WWOX: variants seen among roughly 807,000 people sequenced by gnomAD.
The protein encoded by WWOX is WW domain containing oxidoreductase, also known as WW domain-containing oxidoreductase.
In WWOX, 69 loss-of-function variants were observed where a neutral mutation model predicts 46.2. That is an observed-to-expected ratio of 1.49 (90% CI 1.23 to 1.82). The LOEUF is 1.82. WWOX is among the 40% of genes most tolerant of loss of function. WWOX has a pLI of 0.00. For missense variants in WWOX, 919 were observed against 542.6 expected (o/e 1.69, Z -6.89); for synonymous variants, 359 against 202.6 (o/e 1.77, Z -6.56).
chr16:78,384,400 CTG>C (rs568474711), intron 5 of WWOX, among the ~76,000 whole-genome samples: 40 of 152,252 alleles, frequency 2.6e-4, no homozygotes, highest in African/African-American at 9.6e-4. Flanking sequence ...ATCAGCGTCT[CTG>C]TGGGGTATTG....
intron 5 of WWOX, among the ~76,000 whole-genome samples, chr16:78,187,251 G>A (rs541872633): frequency 3.3e-5 from 5 of 152,244 alleles, no homozygotes; most frequent in Non-Finnish European, 7.4e-5. Flanking sequence ...ACACATGGCC[G>A]AGTTATGCCA....
In WWOX at chr16:78,579,602, A is replaced by C. The variant is rs548159429; in HGVS notation, c.1056+146850A>C. Among the ~76,000 whole-genome samples, 3 of 152,220 alleles carry C rather than the reference A, an allele frequency of 2.0e-5. No individual in the cohort carries two copies. The South Asian group carries it at 6.2e-4, about 32-fold the overall frequency. On this transcript the variant is annotated intron_variant, in intron 8 of 8. Transcript: ENST00000566780. ...TTCTAATTAAGAAACAGAAGCCAGG[A>C]AACTCCTGTACTTCAAGGTTTTGGA...
At chr16:78,106,031 G>T (rs1484145101) in intron 1 of WWOX, among the ~76,000 whole-genome samples, 2 of 152,090 alleles carry the variant, frequency 1.3e-5, no homozygotes, top group Admixed American at 6.5e-5. Context: ...CGATCTCCTG[G>T]GCTCTAGCGA....
chr16:78,490,497 A>G (rs1428886820), intron 8 of WWOX, among the ~76,000 whole-genome samples: 1 of 152,124 alleles, frequency 6.6e-6, no homozygotes, highest in Non-Finnish European at 1.5e-5. Flanking sequence ...CGGTTTTCAC[A>G]AGGAGGTCAC....
intron 8 of WWOX, among the ~76,000 whole-genome samples, chr16:78,585,175 C>T (rs757990977): frequency 1.8e-4 from 27 of 152,186 alleles, no homozygotes; most frequent in Non-Finnish European, 2.4e-4. Flanking sequence ...TGACCACCCC[C>T]GGGCTATTTC....
At chr16:78,183,577 C>T (rs894143267) in intron 5 of WWOX, among the ~76,000 whole-genome samples, 4 of 152,142 alleles carry the variant, frequency 2.6e-5, no homozygotes, top group Admixed American at 1.3e-4. Flanking sequence ...ATTGCATCCC[C>T]GAACCGTAGG....
chr16:78,224,170 A>AT (rs1597371568), intron 5 of WWOX, among the ~76,000 whole-genome samples: 3 of 151,932 alleles, frequency 2.0e-5, no homozygotes, highest in Admixed American at 6.6e-5. Context: ...AGCCCAGCTA[A>AT]TTTTTTGTAA....
At chr16:78,122,675 G>C (rs1597230791) in intron 4 of WWOX, among the ~76,000 whole-genome samples, 1 of 151,262 alleles carries the variant, frequency 6.6e-6, no homozygotes, top group East Asian at 1.9e-4. Flanking sequence ...CGTGATCTCA[G>C]CTCACTGCAA....
At chr16:79,019,449 A>G (rs984713950) in intron 8 of WWOX, among the ~76,000 whole-genome samples, 1 of 152,126 alleles carries the variant, frequency 6.6e-6, no homozygotes, top group Admixed American at 6.6e-5. Context: ...ATATCTCAAC[A>G]TATCTAAACA....
At chr16:78,783,673 T>C (rs1016055450) in intron 8 of WWOX, among the ~76,000 whole-genome samples, 3 of 152,176 alleles carry the variant, frequency 2.0e-5, no homozygotes, top group African/African-American at 7.2e-5. Context: ...AAATGTCTTC[T>C]GAATAAAAGT....
rs574264882 is a variant in WWOX at position 79,112,879 on chromosome 16, A to T, written c.1057-98729A>T. 3.9e-5 allele frequency among the ~76,000 whole-genome samples: 6 copies of T among 152,322 alleles called. No individual in the cohort carries two copies. In the South Asian group the frequency reaches 1.2e-3, roughly 32 times the overall value. ...GTGAGCCAAGTGAGACCCAAACTCA[A>T]GTCTTGGACAGTCTAGCCTCTGTGC... On this transcript the variant is annotated intron_variant, in intron 8 of 8. Coordinates refer to ENST00000566780, the MANE Select transcript of WWOX (RefSeq NM_016373.4).
intron 8 of WWOX, among the ~76,000 whole-genome samples, chr16:79,044,507 G>A (rs2048030896): frequency 6.6e-6 from 1 of 152,150 alleles, no homozygotes; most frequent in Non-Finnish European, 1.5e-5. Flanking sequence ...TCTTGCTCCT[G>A]CCCTGGCCAC....
chr16:79,209,776 C>A (rs565098990), intron 8 of WWOX, among the ~76,000 whole-genome samples: 33 of 152,304 alleles, frequency 2.2e-4, no homozygotes, highest in Middle Eastern at 6.8e-3. Flanking sequence ...TCCCTTTTCC[C>A]CACATGGGAT....
chr16:78,536,525 T>A (rs186621046), intron 8 of WWOX, among the ~76,000 whole-genome samples: 55 of 152,240 alleles, frequency 3.6e-4, no homozygotes, highest in Admixed American at 2.6e-3. Context: ...TGATTGTTTT[T>A]CTCTTGGTGC....
intron 8 of WWOX, among the ~76,000 whole-genome samples, chr16:78,509,817 A>G (rs2085313363): frequency 6.6e-6 from 1 of 152,014 alleles, no homozygotes; most frequent in Non-Finnish European, 1.5e-5. Context: ...AAATTGAGGA[A>G]GCCGTGTGGC....
At chr16:78,692,613 C>T (rs774331442) in intron 8 of WWOX, among the ~76,000 whole-genome samples, 1 of 152,196 alleles carries the variant, frequency 6.6e-6, no homozygotes, top group Non-Finnish European at 1.5e-5. Context: ...ATCTCTCACC[C>T]CCATGTTTAT....
At position 78,277,058 on chromosome 16, in the gene WWOX, G is replaced by T. The variant is rs182369373; in HGVS notation, c.517-109802G>T. On this transcript the variant is annotated intron_variant, in intron 5 of 8. Coordinates refer to ENST00000566780, the MANE Select transcript of WWOX (RefSeq NM_016373.4). Reference sequence around the variant, plus strand: ...TTCATTTGCGAACCTTGTTAAATTCGGTGTGGTCAGCAGACCCGGTGAAGT... The same window carrying T: ...TTCATTTGCGAACCTTGTTAAATTCTGTGTGGTCAGCAGACCCGGTGAAGT... Among the ~76,000 whole-genome samples the T allele has an allele frequency of 4.5e-3, 679 of 152,256 alleles. 4 individuals are homozygous for T. The highest frequency in any genetic ancestry group is 7.4e-3 in the Non-Finnish European group (505 of 68,022).
chr16:78,704,920 G>GT (rs11374229), intron 8 of WWOX, among the ~76,000 whole-genome samples: 85,381 of 144,338 alleles, frequency 0.59, 24,877 homozygotes, highest in African/African-American at 0.66. Context: ...AATACAACTT[G>GT]TTTTTTTTTT....
intron 8 of WWOX, among the ~76,000 whole-genome samples, chr16:79,170,075 C>G (rs1363628617): frequency 1.3e-5 from 2 of 152,122 alleles, no homozygotes; most frequent in African/African-American, 4.8e-5. Flanking sequence ...AAGTTAGGAT[C>G]TCCTAACATG....
Sources: allele counts gnomAD v4.1 joint callset (sites outside exome capture counted in the v4.1 genomes callset), GRCh38; gene constraint gnomAD v4.1.1; transcripts MANE v1.5; gene names NCBI Gene and HGNC (gene_info 2026-07-23, HGNC 2026-07-21).